VCF1: variants seen among roughly 807,000 people sequenced by gnomAD.
VCF1 encodes the protein protein VCF1.
the VCF1 span, among the ~76,000 whole-genome samples, chr17:73,230,962 G>C: frequency 6.6e-6 from 1 of 152,148 alleles, no homozygotes; most frequent in Non-Finnish European, 1.5e-5. Context: ...TATAAACTGG[G>C]TTTGGGAAAG....
chr17:73,232,143 C>A, the VCF1 span: 1 of 1,610,270 alleles, frequency 6.2e-7, no homozygotes, highest in Non-Finnish European at 8.5e-7. Flanking sequence ...CGGCGCCGCT[C>A]CGCGAAGAGA....
At chr17:73,232,096 G>A in the VCF1 span, 13 of 1,607,374 alleles carry the variant, frequency 8.1e-6, no homozygotes, top group Non-Finnish European at 1.1e-5. Context: ...CTGGGACGGA[G>A]GCGCTCGCTC....
the VCF1 span, among the ~76,000 whole-genome samples, chr17:73,221,096 AC>A: frequency 1.3e-5 from 2 of 150,796 alleles, no homozygotes; most frequent in Non-Finnish European, 2.9e-5. Flanking sequence ...ACGGGGTTTC[AC>A]CATGTTGGTC....
At chr17:73,224,086 G>C in the VCF1 span, among the ~76,000 whole-genome samples, 2 of 139,066 alleles carry the variant, frequency 1.4e-5, no homozygotes, top group African/African-American at 5.3e-5. Context: ...GGGAGGGGAT[G>C]AGAAGGTAGG....
At chr17:73,216,263 C>A in the VCF1 span, among the ~76,000 whole-genome samples, 3 of 152,086 alleles carry the variant, frequency 2.0e-5, no homozygotes, top group Non-Finnish European at 4.4e-5. Context: ...AGAAAGAACT[C>A]CGGAAGGAGA....
At chr17:73,228,708 G>A in the VCF1 span, among the ~76,000 whole-genome samples, 2 of 152,178 alleles carry the variant, frequency 1.3e-5, no homozygotes, top group Non-Finnish European at 2.9e-5. Flanking sequence ...TGAATATCAG[G>A]TTTTAATAAT....
the VCF1 span, among the ~76,000 whole-genome samples, chr17:73,230,966 G>T: frequency 1.1e-4 from 16 of 152,126 alleles, no homozygotes. Flanking sequence ...AACTGGGTTT[G>T]GGAAAGAATA....
chr17:73,224,263 C>CACA, the VCF1 span, among the ~76,000 whole-genome samples: 89 of 103,936 alleles, frequency 8.6e-4, 1 homozygote, highest in African/African-American at 3.2e-3. Flanking sequence ...GTCGTCTCTC[C>CACA]AAAAAAAAAA....
the VCF1 span, among the ~76,000 whole-genome samples, chr17:73,213,042 G>A: frequency 2.6e-5 from 4 of 152,040 alleles, no homozygotes; most frequent in East Asian, 7.7e-4. Context: ...TCAAGAGATC[G>A]AGACCTTCCT....
At chr17:73,231,697 G>A in the VCF1 span, among the ~76,000 whole-genome samples, 1 of 152,262 alleles carries the variant, frequency 6.6e-6, no homozygotes, top group African/African-American at 2.4e-5. Context: ...CCCGCCCGGT[G>A]CCCTCACAAA....
chr17:73,211,226 C>G, the VCF1 span, among the ~76,000 whole-genome samples: 6 of 151,844 alleles, frequency 4.0e-5, no homozygotes, highest in African/African-American at 1.2e-4. Context: ...TTGGCTGAGG[C>G]AGGTGGACTG....
At chr17:73,218,835 C>A in the VCF1 span, among the ~76,000 whole-genome samples, 2 of 152,052 alleles carry the variant, frequency 1.3e-5, no homozygotes, top group East Asian at 3.9e-4. Context: ...CTGGCTAACA[C>A]GGTGAAACCC....
chr17:73,207,737 T>C, the VCF1 span: 2 of 1,291,736 alleles, frequency 1.5e-6, no homozygotes. Flanking sequence ...GGAATCCTCC[T>C]GGGTATTTCT....
chr17:73,214,315 T>C, the VCF1 span, among the ~76,000 whole-genome samples: 1 of 94,292 alleles, frequency 1.1e-5, no homozygotes, highest in Non-Finnish European at 2.5e-5. Context: ...ACAACCAGCA[T>C]TAAAAAAAAA....
the VCF1 span, among the ~76,000 whole-genome samples, chr17:73,213,946 G>C: frequency 2.6e-5 from 4 of 152,174 alleles, no homozygotes; most frequent in Admixed American, 6.5e-5. Context: ...CTCCAGCCTG[G>C]GTGACAAAGT....
the VCF1 span, among the ~76,000 whole-genome samples, chr17:73,215,292 T>C: frequency 6.6e-6 from 1 of 152,232 alleles, no homozygotes; most frequent in East Asian, 1.9e-4. Context: ...GGGCTTTTTA[T>C]TTCATTTTTT....
At chr17:73,227,718 G>A in the VCF1 span, 1,077 of 949,006 alleles carry the variant, frequency 1.1e-3, 17 homozygotes, top group East Asian at 0.022. Flanking sequence ...CCTTATAAAA[G>A]TACCTCTTGG....
the VCF1 span, among the ~76,000 whole-genome samples, chr17:73,221,174 G>A: frequency 9.9e-6 from 1 of 100,790 alleles, no homozygotes; most frequent in Non-Finnish European, 1.9e-5. Context: ...TGGGATTGCA[G>A]GCATGAGCCA....
chr17:73,229,805 T>C, the VCF1 span, among the ~76,000 whole-genome samples: 137 of 128,148 alleles, frequency 1.1e-3, 3 homozygotes, highest in East Asian at 0.033. Context: ...GAGGTAGAGG[T>C]TGCAGTGTGC....
Sources: gnomAD v4.1 joint callset for allele counts (sites outside exome capture counted in the v4.1 genomes callset) on GRCh38, gnomAD v4.1.1 for gene constraint, MANE v1.5 for transcripts, NCBI Gene and HGNC (gene_info 2026-07-23, HGNC 2026-07-21) for gene names.